The following STAU2 variants were observed in gnomAD, a reference collection of about 807,000 sequenced individuals.
STAU2 encodes the protein double-stranded RNA-binding protein Staufen homolog 2.
Under a neutral mutation model 65.9 loss-of-function variants are expected in STAU2, and 20 were observed. The observed-to-expected ratio is 0.30, with a 90% CI of 0.21 to 0.44. STAU2 has a LOEUF of 0.44. STAU2 is among the 20% of genes least tolerant of loss of function. The probability of loss-of-function intolerance (pLI) is 1.00; values close to 1 mark genes in which losing one functional copy is unlikely to be tolerated. For missense variants in STAU2, 558 were observed against 683.9 expected (o/e 0.82, Z 2.05); for synonymous variants, 232 against 233.9 (o/e 0.99, Z 0.07).
intron 10 of STAU2, among the ~76,000 whole-genome samples, chr8:73,600,046 G>A (rs576366981): frequency 6.6e-6 from 1 of 152,282 alleles, no homozygotes; most frequent in South Asian, 2.1e-4. Flanking sequence ...GGGATTACAG[G>A]CGTGAGCCAC....
intron 13 of STAU2, among the ~76,000 whole-genome samples, chr8:73,500,114 A>G (rs1002745102): frequency 6.6e-6 from 1 of 151,944 alleles, no homozygotes; most frequent in Non-Finnish European, 1.5e-5. Flanking sequence ...TTGCCAGTCT[A>G]TCTGTCAAGC....
At chr8:73,429,964 G>A (rs970436381) in intron 13 of STAU2, among the ~76,000 whole-genome samples, 5 of 152,158 alleles carry the variant, frequency 3.3e-5, no homozygotes, top group Non-Finnish European at 7.3e-5. Flanking sequence ...TCCAGCCCTG[G>A]GTTGACTTCC....
At chr8:73,558,497 C>A (rs1807950309) in intron 12 of STAU2, among the ~76,000 whole-genome samples, 1 of 152,184 alleles carries the variant, frequency 6.6e-6, no homozygotes, top group South Asian at 2.1e-4. Flanking sequence ...CCAGTTCTTA[C>A]TGAAGAGTTG....
At position 73,420,384 on chromosome 8, in the gene STAU2, A is replaced by G; in HGVS notation, c.*988T>C. On this transcript the variant is annotated 3_prime_UTR_variant, in exon 15 of 15. Transcript: ENST00000524300. ...ACAACAGCGCTTCACACAGAAACCA[A>G]CCACATTTTTACTGCATCTGCTCCA... 1 of 340,680 alleles carries G rather than the reference A, an allele frequency of 2.9e-6. No individual in the cohort carries two copies. The highest frequency in any genetic ancestry group is 2.3e-5 in the South Asian group (1 of 43,920). The allele number at this position is 340,680 out of a possible 1,614,324, so 21.1% of individuals were successfully genotyped here. A position where few individuals can be genotyped will look rare whatever the true frequency, so the allele number is the denominator to read the frequency against.
At chr8:73,588,584 C>T (rs1037899552) in intron 11 of STAU2, among the ~76,000 whole-genome samples, 43 of 152,208 alleles carry the variant, frequency 2.8e-4, no homozygotes, top group African/African-American at 7.7e-4. Flanking sequence ...TTTAAGCCAC[C>T]GGGGGAAGGG....
chr8:73,566,178 G>T (rs1311027084), intron 12 of STAU2, among the ~76,000 whole-genome samples: 1 of 152,112 alleles, frequency 6.6e-6, no homozygotes, highest in Non-Finnish European at 1.5e-5. Context: ...AATAATCTAT[G>T]AATCATCTTA....
chr8:73,634,110 T>C (rs999742903), intron 6 of STAU2, among the ~76,000 whole-genome samples: 1 of 152,138 alleles, frequency 6.6e-6, no homozygotes, highest in African/African-American at 2.4e-5. Flanking sequence ...ATCAAAGAAA[T>C]GCAAATTAAA....
chr8:73,430,535 A>G (rs575495650), intron 13 of STAU2, among the ~76,000 whole-genome samples: 1 of 152,326 alleles, frequency 6.6e-6, no homozygotes, highest in South Asian at 2.1e-4. Context: ...CTCTTTCTAC[A>G]GGATCATGCC....
chr8:73,432,485 C>A (rs529803421), intron 13 of STAU2, among the ~76,000 whole-genome samples: 1 of 152,248 alleles, frequency 6.6e-6, no homozygotes, highest in East Asian at 1.9e-4. Context: ...ATTAATATTT[C>A]TAAGTTATCC....
chr8:73,483,608 A>G (rs1291691388), intron 13 of STAU2, among the ~76,000 whole-genome samples: 1 of 152,172 alleles, frequency 6.6e-6, no homozygotes, highest in African/African-American at 2.4e-5. Context: ...CATTTGGAAC[A>G]AGAAGGACTG....
intron 6 of STAU2, among the ~76,000 whole-genome samples, chr8:73,648,833 GTC>G (rs1815590340): frequency 6.6e-6 from 1 of 152,138 alleles, no homozygotes; most frequent in South Asian, 2.1e-4. Flanking sequence ...TAGAGACACA[GTC>G]TCTCTCTGTT....
chr8:73,707,795 A>G (rs1820618916), intron 4 of STAU2, among the ~76,000 whole-genome samples: 1 of 152,282 alleles, frequency 6.6e-6, no homozygotes, highest in East Asian at 1.9e-4. Flanking sequence ...GTACTATAAC[A>G]CAGTAACGGC....
intron 13 of STAU2, among the ~76,000 whole-genome samples, chr8:73,468,136 C>T (rs1425964918): frequency 6.6e-6 from 1 of 152,046 alleles, no homozygotes; most frequent in African/African-American, 2.4e-5. Flanking sequence ...AGAACAGAGC[C>T]CTCAGAAATA....
At chr8:73,641,094 A>G (rs1353016642) in intron 6 of STAU2, among the ~76,000 whole-genome samples, 1 of 152,248 alleles carries the variant, frequency 6.6e-6, no homozygotes, top group Non-Finnish European at 1.5e-5. Flanking sequence ...TGCCAAATTT[A>G]GAATTTCATT....
chr8:73,475,887 G>A (rs1433700081), intron 13 of STAU2, among the ~76,000 whole-genome samples: 2 of 152,104 alleles, frequency 1.3e-5, no homozygotes, highest in Non-Finnish European at 2.9e-5. Flanking sequence ...CATTATTGTT[G>A]ATTCACAGAA....
intron 13 of STAU2, among the ~76,000 whole-genome samples, chr8:73,514,540 T>C (rs1822600296): frequency 6.6e-6 from 1 of 152,234 alleles, no homozygotes; most frequent in Non-Finnish European, 1.5e-5. Context: ...ACTTCCATTT[T>C]TCTACCTTTT....
chr8:73,581,468 G>A (rs1277061244), intron 12 of STAU2, among the ~76,000 whole-genome samples: 2 of 152,120 alleles, frequency 1.3e-5, no homozygotes, highest in Admixed American at 1.3e-4. Flanking sequence ...AGGCATGGAA[G>A]GAAATCAACA....
At chr8:73,648,213 T>C (rs13272530) in intron 6 of STAU2, among the ~76,000 whole-genome samples, 73,263 of 152,116 alleles carry the variant, frequency 0.48, 19,691 homozygotes, top group Non-Finnish European at 0.62. Context: ...ACATATACTA[T>C]CATTCCTAGT....
At chr8:73,522,219 G>A (rs886377342) in intron 13 of STAU2, among the ~76,000 whole-genome samples, 2 of 152,178 alleles carry the variant, frequency 1.3e-5, no homozygotes, top group Non-Finnish European at 2.9e-5. Flanking sequence ...GCTGTAATTA[G>A]AAGGTGACTA....
Sources: allele counts gnomAD v4.1 joint callset (sites outside exome capture counted in the v4.1 genomes callset), GRCh38; gene constraint gnomAD v4.1.1; transcripts MANE v1.5; gene names NCBI Gene and HGNC (gene_info 2026-07-23, HGNC 2026-07-21).